The following RTL4 variants were observed in gnomAD, a reference collection of about 807,000 sequenced individuals.
The protein encoded by RTL4 is retrotransposon Gag-like protein 4.
In RTL4, 4 loss-of-function variants were observed where a neutral mutation model predicts 5.3. The ratio of observed to expected loss-of-function variants is 0.75; its 90% CI spans 0.37 to 1.72. The LOEUF (loss-of-function observed/expected upper bound fraction) is 1.72, where lower values mean the gene tolerates loss of function less well. RTL4 is among the 40% of genes most tolerant of loss of function. The pLI, the probability that RTL4 is intolerant of heterozygous loss-of-function variation, is 0.04. For missense variants in RTL4, 260 were observed against 227.1 expected, an observed-to-expected ratio of 1.14 and a Z score of -0.93; for synonymous variants, 98 against 87.3, an observed-to-expected ratio of 1.12 and a Z score of -0.68.
chrX:112,436,673 T>C, the RTL4 span, among the ~76,000 whole-genome samples: 3 of 111,478 alleles, frequency 2.7e-5, no homozygotes, highest in African/African-American at 9.8e-5. Context: ...AAGGACATTT[T>C]TTTTTTTTGT....
the RTL4 span, among the ~76,000 whole-genome samples, chrX:112,438,967 G>A: frequency 4.5e-5 from 5 of 111,689 alleles, no homozygotes; most frequent in Non-Finnish European, 9.4e-5. Context: ...TTCGAAAATC[G>A]TCGAAGCTAG....
At chrX:112,116,385 T>G in the RTL4 span, among the ~76,000 whole-genome samples, 1 of 110,262 alleles carries the variant, frequency 9.1e-6, no homozygotes, top group South Asian at 4.0e-4. Flanking sequence ...ACCCAAAGGG[T>G]GAGCAGCAGC....
chrX:112,329,596 A>C, the RTL4 span, among the ~76,000 whole-genome samples: 7 of 110,653 alleles, frequency 6.3e-5, no homozygotes, highest in South Asian at 2.7e-3. Flanking sequence ...AGGAACTGGT[A>C]CCATTCCTTC....
At chrX:112,137,384 G>A in the RTL4 span, among the ~76,000 whole-genome samples, 29 of 111,974 alleles carry the variant, frequency 2.6e-4, no homozygotes, top group African/African-American at 9.1e-4. Flanking sequence ...GAAGGAAAGA[G>A]GTTAACTGAC....
the RTL4 span, among the ~76,000 whole-genome samples, chrX:112,133,764 GAATTAATATATGTA>G: frequency 8.9e-6 from 1 of 112,033 alleles, no homozygotes; most frequent in Admixed American, 9.5e-5. Context: ...AAAATTTAGT[GAATTAATATATGTA>G]AAGTGATTAT....
the RTL4 span, among the ~76,000 whole-genome samples, chrX:112,441,005 G>A: frequency 1.3e-3 from 144 of 111,405 alleles, no homozygotes; most frequent in African/African-American, 4.4e-3. Context: ...AGGTGAAAGG[G>A]CAGAGAACAG....
the RTL4 span, among the ~76,000 whole-genome samples, chrX:112,249,367 G>C: frequency 2.7e-5 from 3 of 111,088 alleles, no homozygotes; most frequent in South Asian, 1.2e-3. Context: ...TTCAGACCAA[G>C]GGGTTCTGAG....
chrX:112,394,634 C>T, the RTL4 span, among the ~76,000 whole-genome samples: 3 of 111,770 alleles, frequency 2.7e-5, no homozygotes, highest in African/African-American at 9.7e-5. Context: ...AGCCAATTAG[C>T]TATGGAATAA....
At chrX:112,187,962 T>A in the RTL4 span, among the ~76,000 whole-genome samples, 1 of 111,824 alleles carries the variant, frequency 8.9e-6, no homozygotes, top group Admixed American at 9.5e-5. Context: ...ACTGCCAGTA[T>A]GGAGAGAAAT....
the RTL4 span, among the ~76,000 whole-genome samples, chrX:112,130,791 G>GT: frequency 0.13 from 11,276 of 88,837 alleles, 1,533 homozygotes; most frequent in African/African-American, 0.34. Flanking sequence ...ATGGGTGTGG[G>GT]TTTTTTTTTT....
At chrX:112,326,266 C>G in the RTL4 span, among the ~76,000 whole-genome samples, 1 of 111,542 alleles carries the variant, frequency 9.0e-6, no homozygotes, top group Admixed American at 9.5e-5. Flanking sequence ...TAGGGAGTGC[C>G]AGACAGTGGG....
the RTL4 span, among the ~76,000 whole-genome samples, chrX:112,305,240 C>T: frequency 9.2e-6 from 1 of 108,997 alleles, no homozygotes; most frequent in South Asian, 4.1e-4. Context: ...TCACTGCAAC[C>T]TTCGCTTCCG....
At chrX:112,128,341 C>T in the RTL4 span, among the ~76,000 whole-genome samples, 1 of 111,221 alleles carries the variant, frequency 9.0e-6, no homozygotes, top group African/African-American at 3.3e-5. Context: ...ACAAGAAATG[C>T]TGGCGTGACT....
chrX:112,434,488 C>T, the RTL4 span, among the ~76,000 whole-genome samples: 1 of 111,689 alleles, frequency 9.0e-6, no homozygotes, highest in Non-Finnish European at 1.9e-5. Flanking sequence ...AGGAATTTAT[C>T]CATTTCGTCT....
chrX:112,169,121 T>C, the RTL4 span, among the ~76,000 whole-genome samples: 1 of 102,463 alleles, frequency 9.8e-6, no homozygotes, highest in Non-Finnish European at 2.0e-5. Flanking sequence ...TTTTGGGTTT[T>C]ATTTTTTTTT....
chrX:112,112,538 G>T, the RTL4 span, among the ~76,000 whole-genome samples: 1 of 112,309 alleles, frequency 8.9e-6, no homozygotes, highest in African/African-American at 3.2e-5. Context: ...CTCTGGCTAA[G>T]ATTTGGCCTA....
At chrX:112,388,758 A>C in the RTL4 span, among the ~76,000 whole-genome samples, 1 of 112,278 alleles carries the variant, frequency 8.9e-6, no homozygotes, top group East Asian at 2.8e-4. Context: ...CCCAGGGATG[A>C]AGCCTACTTG....
the RTL4 span, among the ~76,000 whole-genome samples, chrX:112,099,387 T>C: frequency 9.0e-6 from 1 of 111,498 alleles, no homozygotes; most frequent in Non-Finnish European, 1.9e-5. Flanking sequence ...ACTCAGTCTG[T>C]CAGTCAGGGT....
the RTL4 span, among the ~76,000 whole-genome samples, chrX:112,111,494 T>C: frequency 8.8e-6 from 1 of 113,086 alleles, no homozygotes; most frequent in African/African-American, 3.2e-5. Flanking sequence ...AATAACTCCA[T>C]GATTTCCTTG....
Sources: allele counts gnomAD v4.1 joint callset (sites outside exome capture counted in the v4.1 genomes callset), GRCh38; gene constraint gnomAD v4.1.1; transcripts MANE v1.5; gene names NCBI Gene and HGNC (gene_info 2026-07-23, HGNC 2026-07-21).